The following NPAS3 variants were observed in gnomAD, a reference collection of about 807,000 sequenced individuals.
NPAS3 encodes neuronal PAS domain protein 3.
In NPAS3, 14 loss-of-function variants were observed where a neutral mutation model predicts 73.1. The ratio of observed to expected loss-of-function variants is 0.19; its 90% confidence interval spans 0.13 to 0.30. The LOEUF (loss-of-function observed/expected upper bound fraction) is 0.30. Ranked by LOEUF, NPAS3 falls within the 10% of genes least tolerant of loss-of-function variation. The probability of loss-of-function intolerance (pLI) is 1.00; values close to 1 mark genes in which losing one functional copy is unlikely to be tolerated. For synonymous variants in NPAS3, 620 were observed against 541.5 expected (o/e 1.14, Z -2.01); for missense variants, 1,096 against 1,250.0 (o/e 0.88, Z 1.86).
At chr14:33,224,588 G>A (rs1314161107) in intron 3 of NPAS3, among the ~76,000 whole-genome samples, 1 of 152,058 alleles carries the variant, frequency 6.6e-6, no homozygotes, top group African/African-American at 2.4e-5. Flanking sequence ...GTCAGTTACA[G>A]AGTTGGAACT....
At chr14:33,417,786 GAAATA>G (rs1484964373) in intron 4 of NPAS3, among the ~76,000 whole-genome samples, 1 of 151,870 alleles carries the variant, frequency 6.6e-6, no homozygotes, top group Admixed American at 6.6e-5. Flanking sequence ...AGATCTCACT[GAAATA>G]AAAAGGAGCA....
chr14:33,085,459 T>G (rs1303809457), intron 2 of NPAS3, among the ~76,000 whole-genome samples: 1 of 152,228 alleles, frequency 6.6e-6, no homozygotes, highest in African/African-American at 2.4e-5. Flanking sequence ...GATTCATTGG[T>G]CATTCTTAGA....
At chr14:32,934,953 G>A, upstream of NPAS3, 3 of 1,272,400 alleles carry the variant, frequency 2.4e-6, no homozygotes, top group Non-Finnish European at 3.0e-6. The surrounding 1 kb of genome is among the most constrained non-coding windows in gnomAD (Gnocchi z 4.1). Flanking sequence ...CCGGCGCCGC[G>A]GCCAACGGCA....
intron 1 of NPAS3, among the ~76,000 whole-genome samples, chr14:33,013,155 A>C (rs1310281744): frequency 6.6e-6 from 1 of 152,218 alleles, no homozygotes; most frequent in Admixed American, 6.5e-5. Context: ...CCATACCCAA[A>C]GAATACATGC....
At chr14:33,198,771 C>T (rs560983910) in intron 2 of NPAS3, among the ~76,000 whole-genome samples, 92 of 152,292 alleles carry the variant, frequency 6.0e-4, no homozygotes, top group South Asian at 3.3e-3. Context: ...TAGATGGGAC[C>T]GGACGCCATG....
At chr14:33,665,959 A>G (rs1033116638) in intron 5 of NPAS3, among the ~76,000 whole-genome samples, 1 of 152,164 alleles carries the variant, frequency 6.6e-6, no homozygotes, top group African/African-American at 2.4e-5. Context: ...AATGTGTAGG[A>G]TAAGAAGTTA....
At chr14:33,554,184 C>A (rs1446412459) in intron 4 of NPAS3, among the ~76,000 whole-genome samples, 1 of 152,204 alleles carries the variant, frequency 6.6e-6, no homozygotes, top group Non-Finnish European at 1.5e-5. Context: ...AGTTTTCTCA[C>A]AGAGCCTCTC....
At chr14:33,275,974 A>C (rs2041309872) in intron 3 of NPAS3, among the ~76,000 whole-genome samples, 1 of 152,150 alleles carries the variant, frequency 6.6e-6, no homozygotes, top group South Asian at 2.1e-4. Flanking sequence ...ACTTAGTTTC[A>C]TATGAAAACA....
Position 33,800,077 on chromosome 14 carries a change from C to G in NPAS3, c.1770C>G (p.Gly590=). 1.3e-6 allele frequency: 2 copies of G among 1,597,508 alleles called. No individual in the cohort carries two copies. Among genetic ancestry groups the G allele is most frequent in the Non-Finnish European group, 1.7e-6 (2 of 1,175,562 alleles). The change falls in exon 12 of 12, where the codon GGC becomes GGG. Residue 590 remains glycine (G), a synonymous_variant. Transcript: ENST00000356141. This position sits in a 1 kb window ranked among gnomAD's most constrained non-coding sequence, Gnocchi z 6.5. Reference sequence around the variant, plus strand: ...ACTCGGACAGCGCAGGCGAGGCGGGCGCGCAGGCCTCCAGCAAGCACCAGA... The same window carrying G: ...ACTCGGACAGCGCAGGCGAGGCGGGGGCGCAGGCCTCCAGCAAGCACCAGA...
intron 5 of NPAS3, among the ~76,000 whole-genome samples, chr14:33,603,084 T>C (rs563097349): frequency 2.2e-4 from 34 of 152,330 alleles, no homozygotes; most frequent in African/African-American, 7.2e-4. Flanking sequence ...AGTGACATAT[T>C]AGAATTAGGA....
chr14:33,684,162 G>A (rs1254502590), intron 6 of NPAS3, among the ~76,000 whole-genome samples: 2 of 151,940 alleles, frequency 1.3e-5, no homozygotes, highest in African/African-American at 2.4e-5. Flanking sequence ...TTTTCTCCAA[G>A]GGGATTCTGA....
chr14:33,628,956 G>A (rs1240523947), intron 5 of NPAS3, among the ~76,000 whole-genome samples: 2 of 152,206 alleles, frequency 1.3e-5, no homozygotes, highest in African/African-American at 2.4e-5. Flanking sequence ...AGCGGGCCGG[G>A]CGCAGTGGCT....
At chr14:33,207,248 C>G (rs1026621748) in intron 2 of NPAS3, among the ~76,000 whole-genome samples, 1 of 20,144 alleles carries the variant, frequency 5.0e-5, no homozygotes, top group Non-Finnish European at 1.2e-4. Context: ...CACACACACA[C>G]ACACACACAC....
chr14:33,277,497 G>A (rs959361556), intron 3 of NPAS3, among the ~76,000 whole-genome samples: 5 of 152,136 alleles, frequency 3.3e-5, no homozygotes, highest in Admixed American at 2.0e-4. Flanking sequence ...ATACATATGT[G>A]ATATTAGGGA....
At chr14:33,170,401 G>C (rs1199486716) in intron 2 of NPAS3, among the ~76,000 whole-genome samples, 1 of 152,136 alleles carries the variant, frequency 6.6e-6, no homozygotes, top group Non-Finnish European at 1.5e-5. Context: ...CATGTTGGTG[G>C]CTGCTGGCTG....
At chr14:33,566,613 A>G (rs1002133171) in intron 5 of NPAS3, among the ~76,000 whole-genome samples, 120 of 152,256 alleles carry the variant, frequency 7.9e-4, no homozygotes, top group South Asian at 1.9e-3. Context: ...ATTGGCAGGG[A>G]TCTTTTCATC....
intron 4 of NPAS3, among the ~76,000 whole-genome samples, chr14:33,463,394 T>A (rs1287972983): frequency 6.6e-6 from 1 of 152,194 alleles, no homozygotes; most frequent in Non-Finnish European, 1.5e-5. Context: ...ATTGATTATA[T>A]AATAAAGCCA....
intron 5 of NPAS3, among the ~76,000 whole-genome samples, chr14:33,656,046 T>G (rs909034888): frequency 2.0e-5 from 3 of 152,184 alleles, no homozygotes; most frequent in Non-Finnish European, 4.4e-5. Context: ...GCCTCTCTTG[T>G]CTCTATTCCT....
At chr14:33,154,797 A>G (rs933479434) in intron 2 of NPAS3, among the ~76,000 whole-genome samples, 8 of 152,298 alleles carry the variant, frequency 5.3e-5, no homozygotes, top group Admixed American at 2.0e-4. Context: ...GTTTTGTACT[A>G]TGTTTGAAAT....
Sources: gnomAD v4.1 joint callset for allele counts (sites outside exome capture counted in the v4.1 genomes callset) on GRCh38, gnomAD v4.1.1 for gene constraint, Gnocchi (gnomAD v3.1) non-coding constraint, MANE v1.5 for transcripts, NCBI Gene and HGNC (gene_info 2026-07-23, HGNC 2026-07-21) for gene names.